ACTR3C: variants seen among roughly 807,000 people sequenced by gnomAD.
ACTR3C encodes actin-related protein 3C.
Under a neutral mutation model 26.3 loss-of-function variants are expected in ACTR3C, and 18 were observed. The observed-to-expected ratio is 0.68, with a 90% CI of 0.47 to 1.01. ACTR3C has a LOEUF of 1.01. Ranked by LOEUF, ACTR3C falls within the 50% of genes least tolerant of loss-of-function variation. ACTR3C has a pLI of 0.00. For missense variants in ACTR3C, 184 were observed against 250.7 expected (o/e 0.73, Z 1.80); for synonymous variants, 55 against 94.5 (o/e 0.58, Z 2.42).
At chr7:149,881,583 C>T in the ACTR3C span, 10,577 of 150,304 alleles carry the variant, frequency 0.07, 599 homozygotes, top group African/African-American at 0.17. Flanking sequence ...GCTGGCTGGG[C>T]GGTGGGGCGG....
chr7:150,183,757 T>A, the ACTR3C span, among the ~76,000 whole-genome samples: 1 of 143,746 alleles, frequency 7.0e-6, no homozygotes, highest in Non-Finnish European at 1.5e-5. Context: ...ACCTTTACAC[T>A]GTGATATGCT....
intron 1 of ACTR3C, among the ~76,000 whole-genome samples, chr7:150,309,290 G>A (rs1430353302): frequency 6.6e-6 from 1 of 152,204 alleles, no homozygotes; most frequent in Non-Finnish European, 1.5e-5. Flanking sequence ...CCGCTTGGTG[G>A]CTACCCTTAG....
chr7:150,228,555 G>A, the ACTR3C span, among the ~76,000 whole-genome samples: 1 of 152,260 alleles, frequency 6.6e-6, no homozygotes, highest in Middle Eastern at 3.4e-3. Flanking sequence ...AATCAGAGCT[G>A]CCAATGTCAT....
intron 1 of ACTR3C, among the ~76,000 whole-genome samples, chr7:150,317,210 G>A (rs964176768): frequency 1.3e-5 from 2 of 151,750 alleles, no homozygotes; most frequent in South Asian, 2.1e-4. Flanking sequence ...CAGCATGCCC[G>A]GCTAATTTTT....
the ACTR3C span, among the ~76,000 whole-genome samples, chr7:150,089,101 A>G: frequency 6.6e-6 from 1 of 152,220 alleles, no homozygotes; most frequent in Non-Finnish European, 1.5e-5. Flanking sequence ...CTTAGTGAAC[A>G]AATAAAATTT....
chr7:149,889,637 A>G, the ACTR3C span, among the ~76,000 whole-genome samples: 3 of 152,178 alleles, frequency 2.0e-5, no homozygotes, highest in Non-Finnish European at 2.9e-5. Flanking sequence ...AAGGCTGGAG[A>G]GGATGGGGGA....
the ACTR3C span, among the ~76,000 whole-genome samples, chr7:150,200,114 G>A: frequency 2.0e-4 from 30 of 152,292 alleles, no homozygotes; most frequent in African/African-American, 6.3e-4. Flanking sequence ...GTACCATTCC[G>A]ATAATGAAGA....
At chr7:150,289,698 G>A (rs1425252497) in intron 3 of ACTR3C, 105 bp from the exon 4 acceptor site, 13 of 1,547,664 alleles carry the variant, frequency 8.4e-6, no homozygotes, top group East Asian at 4.5e-5. Context: ...TGCCCCTCAC[G>A]GCACTGACAA....
At chr7:150,041,784 C>A in the ACTR3C span, among the ~76,000 whole-genome samples, 2 of 122,164 alleles carry the variant, frequency 1.6e-5, no homozygotes, top group Non-Finnish European at 3.7e-5. Context: ...TCAGTCCCTG[C>A]CTCGCGGGGG....
the ACTR3C span, among the ~76,000 whole-genome samples, chr7:150,035,307 A>G: frequency 2.0e-5 from 1 of 50,504 alleles, no homozygotes; most frequent in Non-Finnish European, 4.7e-5. Context: ...CCCCCTTGCG[A>G]TGGGGGTACC....
intron 6 of ACTR3C, among the ~76,000 whole-genome samples, chr7:150,253,413 AT>A (rs1427652403): frequency 6.6e-6 from 1 of 151,992 alleles, no homozygotes; most frequent in South Asian, 2.1e-4. Flanking sequence ...CGATTTTAAT[AT>A]TTTTTTCTGT....
At chr7:150,178,361 C>T in the ACTR3C span, among the ~76,000 whole-genome samples, 1 of 149,178 alleles carries the variant, frequency 6.7e-6, no homozygotes, top group African/African-American at 2.6e-5. Flanking sequence ...CAGCTCACTC[C>T]AACCTCTGCC....
the ACTR3C span, among the ~76,000 whole-genome samples, chr7:150,096,544 G>A: frequency 6.6e-6 from 1 of 151,766 alleles, no homozygotes; most frequent in Non-Finnish European, 1.5e-5. Context: ...GGTAAAAGCA[G>A]GTCATGACAA....
At chr7:150,131,147 AC>A in the ACTR3C span, among the ~76,000 whole-genome samples, 2 of 152,256 alleles carry the variant, frequency 1.3e-5, no homozygotes, top group Non-Finnish European at 2.9e-5. Flanking sequence ...AATAAAGATG[AC>A]ACAAAAAAGT....
chr7:150,213,135 G>C, the ACTR3C span, among the ~76,000 whole-genome samples: 1 of 151,988 alleles, frequency 6.6e-6, no homozygotes, highest in Non-Finnish European at 1.5e-5. Flanking sequence ...TCTGATTCAA[G>C]TCCAAAATCA....
chr7:150,309,655 G>A (rs1796120125), intron 1 of ACTR3C, among the ~76,000 whole-genome samples: 1 of 152,190 alleles, frequency 6.6e-6, no homozygotes, highest in Admixed American at 6.5e-5. Context: ...ACTAGACCAA[G>A]AAATGCCCAC....
chr7:150,084,912 C>A, the ACTR3C span, among the ~76,000 whole-genome samples: 1 of 152,068 alleles, frequency 6.6e-6, no homozygotes, highest in Non-Finnish European at 1.5e-5. Flanking sequence ...TGGATTGGTG[C>A]AGCCCCAGTG....
chr7:150,248,028 C>T (rs1563142595), intron 7 of ACTR3C: 1 of 152,306 alleles, frequency 6.6e-6, no homozygotes, highest in East Asian at 1.9e-4. Flanking sequence ...GGTACTCCAA[C>T]AATAGACGAT....
the ACTR3C span, among the ~76,000 whole-genome samples, chr7:149,967,007 G>A: frequency 6.4e-5 from 9 of 139,550 alleles, no homozygotes; most frequent in South Asian, 9.3e-4. Flanking sequence ...GATTACAGGC[G>A]TGTGTCACCA....
Sources: gnomAD v4.1 joint callset for allele counts (sites outside exome capture counted in the v4.1 genomes callset) on GRCh38, gnomAD v4.1.1 for gene constraint, MANE v1.5 for transcripts, NCBI Gene and HGNC (gene_info 2026-07-23, HGNC 2026-07-21) for gene names.